ESF1: variants seen among roughly 807,000 people sequenced by gnomAD.
The protein encoded by ESF1 is ESF1 nucleolar pre-rRNA processing protein, also known as ESF1 homolog.
ESF1 carries 58 observed loss-of-function variants against 92.0 expected under a neutral mutation model. The observed-to-expected ratio is 0.63, with a 90% confidence interval of 0.51 to 0.78. ESF1 has a LOEUF of 0.78. Among genes scored for constraint, ESF1 ranks in the 30% least tolerant of loss-of-function variants. The pLI is 0.00. For synonymous variants in ESF1, 321 were observed against 313.7 expected, an observed-to-expected ratio of 1.02 and a Z score of -0.24; for missense variants, 922 against 989.1, an observed-to-expected ratio of 0.93 and a Z score of 0.91.
intron 9 of ESF1, among the ~76,000 whole-genome samples, chr20:13,749,338 G>A (rs1978514789): frequency 6.7e-6 from 1 of 149,442 alleles, no homozygotes; most frequent in African/African-American, 2.5e-5. Context: ...TACAGGCGTG[G>A]GCCACCGCAC....
chr20:13,743,400 AT>A lies in ESF1; in HGVS notation c.1829-9559del, dbSNP rs575663117. On this transcript the variant is annotated intron_variant, in intron 9 of 13. Transcript: ENST00000617257. Reference sequence around the variant, plus strand: ...TGGGTATATATCCAAAGGAAATGAAATCAGTATCTTGAAGAGACATCTGAAC... The same window carrying A: ...TGGGTATATATCCAAAGGAAATGAAACAGTATCTTGAAGAGACATCTGAAC... Among the ~76,000 whole-genome samples the A allele has an allele frequency of 1.5e-3, 231 of 152,336 alleles. 1 individual carries two copies. Among genetic ancestry groups the A allele is most frequent in the African/African-American group, 5.3e-3 (222 of 41,586 alleles).
At chr20:13,772,444 G>T in intron 5 of ESF1, 71 bp downstream of exon 5, 1 of 1,174,378 alleles carries the variant, frequency 8.5e-7, no homozygotes. Flanking sequence ...TAACTATTAA[G>T]GTGACCAGAA....
intron 11 of ESF1, among the ~76,000 whole-genome samples, chr20:13,720,092 G>A (rs1041515844): frequency 6.6e-6 from 1 of 152,102 alleles, no homozygotes; most frequent in Non-Finnish European, 1.5e-5. Context: ...CTATGTCTAG[G>A]TGCTGTTAAA....
chr20:13,774,272 C>CCAAAAT (rs1979822707), intron 4 of ESF1, among the ~76,000 whole-genome samples: 2 of 41,532 alleles, frequency 4.8e-5, no homozygotes, highest in African/African-American at 7.1e-5. Context: ...CATCCCAAAT[C>CCAAAAT]CCAAATCCAA....
rs1568729504 is a variant in ESF1 at position 13,776,184 on chromosome 20, C to A, written c.724G>T (p.Asp242Tyr). Residue 242 changes from aspartate (D) to tyrosine (Y), a missense_variant, in exon 3 of 14, where the codon GAT (aspartate) becomes TAT (tyrosine). By Grantham distance (160) the Asp-to-Tyr change is radical. Transcript: ENST00000617257. ...CCTATTTCACTAACGCTTTCTGAAT[C>A]TTCCTCCAGAGCATCTTTGTCACAC... ...EMCDKDALEE[D>Y]SESVSEIGSD... is the part of the protein sequence containing the mutation. 2 of 1,613,814 alleles carry A rather than the reference C, an allele frequency of 1.2e-6. No homozygotes were observed. Among genetic ancestry groups the A allele is most frequent in the African/African-American group, 2.7e-5 (2 of 74,920 alleles).
rs549111407 is a variant in ESF1, at chr20:13,768,884, A to G, written c.1518+1023T>C. Among the ~76,000 whole-genome samples, 30 of 146,912 alleles carry G rather than the reference A, an allele frequency of 2.0e-4. No individual in the cohort carries two copies. The East Asian group carries it at 2.4e-3, about 12-fold the overall frequency. On this transcript the variant is annotated intron_variant, in intron 7 of 13. Transcript: ENST00000617257. Reference sequence around the variant, plus strand: ...TGCACTCCAGCCTGGGCGACAGAGCAAGACTCTAGTCTCAAAAAAAAAAAA... The same window carrying G: ...TGCACTCCAGCCTGGGCGACAGAGCGAGACTCTAGTCTCAAAAAAAAAAAA...
chr20:13,722,283 G>A (rs574002775), intron 11 of ESF1, among the ~76,000 whole-genome samples: 2 of 151,936 alleles, frequency 1.3e-5, no homozygotes, highest in East Asian at 1.9e-4. Flanking sequence ...CATGATATCC[G>A]GTTTTAGCAT....
intron 8 of ESF1, among the ~76,000 whole-genome samples, chr20:13,761,989 T>C (rs1166503313): frequency 6.6e-6 from 1 of 152,226 alleles, no homozygotes; most frequent in Non-Finnish European, 1.5e-5. Flanking sequence ...ACCAAAAATG[T>C]CTGACATTAT....
chr20:13,778,504 C>G (rs114177783), intron 2 of ESF1, among the ~76,000 whole-genome samples: 2,463 of 151,910 alleles, frequency 0.016, 71 homozygotes, highest in African/African-American at 0.055. Context: ...TAGTTTTGCT[C>G]TAAACAATAT....
At chr20:13,750,753 A>G (rs1403216284) in intron 9 of ESF1, among the ~76,000 whole-genome samples, 1 of 152,114 alleles carries the variant, frequency 6.6e-6, no homozygotes, top group Non-Finnish European at 1.5e-5. Context: ...CCAAGGAGGG[A>G]GGACAGCTTG....
In ESF1 at chr20:13,776,128, T is replaced by C. The variant is rs1700127750; in HGVS notation, c.780A>G (p.Thr260=). ...CATCACCTGAAGCTCTACCAACACT[T>C]GTAATTTCATTTTCAGATTCCTCAT... ...GSDEESENEI[T]SVGRASGDDD... is the part of the protein sequence containing the mutation. Residue 260 remains threonine (T), a synonymous_variant, in exon 3 of 14, where the codon ACA becomes ACG. Transcript: ENST00000617257. The C allele has an allele frequency of 1.9e-6, 3 of 1,613,902 alleles. No individual in the cohort carries two copies. The highest frequency in any genetic ancestry group is 2.5e-6 in the Non-Finnish European group (3 of 1,179,884).
chr20:13,753,935 A>C (rs561149799), intron 9 of ESF1, among the ~76,000 whole-genome samples: 2 of 152,330 alleles, frequency 1.3e-5, no homozygotes, highest in South Asian at 4.1e-4. Flanking sequence ...TAATCTCTCT[A>C]GTAGTCTGAG....
chr20:13,758,697 C>A (rs1452753916), intron 9 of ESF1, among the ~76,000 whole-genome samples: 8 of 152,148 alleles, frequency 5.3e-5, no homozygotes, highest in Non-Finnish European at 4.4e-5. Context: ...CTAATATAGG[C>A]TAAAGAACTG....
intron 9 of ESF1, among the ~76,000 whole-genome samples, chr20:13,744,641 T>C (rs2050036373): frequency 6.6e-6 from 1 of 152,202 alleles, no homozygotes; most frequent in Non-Finnish European, 1.5e-5. Context: ...ATCAGTAATG[T>C]TTCCCCCTCA....
chr20:13,759,873 C>T lies in ESF1; in HGVS notation c.1667-20G>A. 5.7e-6 allele frequency: 9 copies of T among 1,570,574 alleles called. No homozygotes were observed. The highest frequency in any genetic ancestry group is 7.7e-6 in the Non-Finnish European group (9 of 1,167,410). ...CATCACCTAATGAAAAAAAAATTCA[C>T]TTAATACACAGAAACAATTCATTTC... On this transcript the variant is annotated intron_variant, in intron 8 of 13. Coordinates refer to ENST00000617257, the MANE Select transcript of ESF1 (RefSeq NM_001276380.2).
intron 4 of ESF1, 121 bp from the exon 5 acceptor site, chr20:13,772,736 T>C: frequency 1.5e-6 from 1 of 654,122 alleles, no homozygotes; most frequent in Non-Finnish European, 2.7e-6. Context: ...TAAGGGTGAC[T>C]CACTTCCAAA....
intron 11 of ESF1, 80 bp downstream of exon 11, chr20:13,728,298 T>C (rs1328803617): frequency 2.9e-6 from 3 of 1,048,646 alleles, no homozygotes; most frequent in Non-Finnish European, 2.8e-6. Flanking sequence ...TTTAAAAGAA[T>C]GATTAGTTTA....
At chr20:13,773,321 A>G (rs1218432965) in intron 4 of ESF1, among the ~76,000 whole-genome samples, 1 of 152,216 alleles carries the variant, frequency 6.6e-6, no homozygotes, top group Non-Finnish European at 1.5e-5. Context: ...TTTTCTTACT[A>G]ACTTGAATAG....
intron 9 of ESF1, among the ~76,000 whole-genome samples, chr20:13,754,040 G>A (rs905517409): frequency 1.3e-5 from 2 of 151,970 alleles, no homozygotes; most frequent in African/African-American, 4.8e-5. Flanking sequence ...TTTTTTTTAC[G>A]TGTCATGGTG....
Sources: gnomAD v4.1 joint callset for allele counts (sites outside exome capture counted in the v4.1 genomes callset) on GRCh38, gnomAD v4.1.1 for gene constraint, MANE v1.5 for transcripts, NCBI Gene and HGNC (gene_info 2026-07-23, HGNC 2026-07-21) for gene names.